HDGFL3: variants seen among roughly 807,000 people sequenced by gnomAD.
HDGFL3 encodes the protein hepatoma-derived growth factor-related protein 3.
HDGFL3 carries 6 observed loss-of-function variants against 27.6 expected under a neutral mutation model. The ratio of observed to expected loss-of-function variants is 0.22; its 90% CI spans 0.12 to 0.43. The LOEUF (loss-of-function observed/expected upper bound fraction) is 0.43, where lower values mean the gene tolerates loss of function less well. Ranked by LOEUF, HDGFL3 falls within the 20% of genes least tolerant of loss-of-function variation. HDGFL3 has a pLI of 1.00. For missense variants in HDGFL3, 207 were observed against 250.1 expected (o/e 0.83, Z 1.16); for synonymous variants, 88 against 88.9 (o/e 0.99, Z 0.05).
At chr15:83,168,002 A>T (rs1410251312) in intron 1 of HDGFL3, among the ~76,000 whole-genome samples, 1 of 152,240 alleles carries the variant, frequency 6.6e-6, no homozygotes, top group Non-Finnish European at 1.5e-5. Flanking sequence ...AATACCAAGA[A>T]GATCTCTCAA....
chr15:83,157,302 C>T, intron 4 of HDGFL3, 113 bp downstream of exon 4: 8 of 1,053,858 alleles, frequency 7.6e-6, no homozygotes, highest in Non-Finnish European at 1.1e-5. Context: ...AAGGCAGAGG[C>T]TCCATAGAAT....
chr15:83,173,104 T>C (rs1193151121), intron 1 of HDGFL3, among the ~76,000 whole-genome samples: 2 of 152,232 alleles, frequency 1.3e-5, no homozygotes, highest in Non-Finnish European at 2.9e-5. Context: ...CTTATCATTC[T>C]TGACAACCTT....
chr15:83,126,780 T>C (rs754201529), downstream of HDGFL3: 1 of 1,613,834 alleles, frequency 6.2e-7, no homozygotes, highest in Admixed American at 1.7e-5. Context: ...CCATCTGAGC[T>C]CTGCCGATTA....
At chr15:83,191,559 T>C (rs1000431642) in intron 1 of HDGFL3, among the ~76,000 whole-genome samples, 1 of 152,208 alleles carries the variant, frequency 6.6e-6, no homozygotes, top group Non-Finnish European at 1.5e-5. Context: ...CAATTTTTTA[T>C]TGGAAACATA....
chr15:83,158,434 T>C (rs902806571), intron 2 of HDGFL3, among the ~76,000 whole-genome samples: 5 of 152,202 alleles, frequency 3.3e-5, no homozygotes, highest in Non-Finnish European at 7.4e-5. Context: ...ACAGTAAAAA[T>C]ATAAATGCTA....
chr15:83,199,037 T>C (rs2037605294), intron 1 of HDGFL3, among the ~76,000 whole-genome samples: 1 of 152,226 alleles, frequency 6.6e-6, no homozygotes, highest in South Asian at 2.1e-4. Context: ...GCCGTTAGAC[T>C]GCAATCAATC....
At chr15:83,196,026 C>T (rs2037566864) in intron 1 of HDGFL3, among the ~76,000 whole-genome samples, 1 of 151,714 alleles carries the variant, frequency 6.6e-6, no homozygotes, top group South Asian at 2.1e-4. Flanking sequence ...CATTTATGTG[C>T]CAAATAAAGC....
chr15:83,199,631 AAT>A (rs1440740669), intron 1 of HDGFL3, among the ~76,000 whole-genome samples: 2 of 152,220 alleles, frequency 1.3e-5, no homozygotes, highest in African/African-American at 4.8e-5. Context: ...ATCTATTCAG[AAT>A]ATGAGTTTCA....
At chr15:83,125,869 T>C (rs117245385), downstream of HDGFL3, among the ~76,000 whole-genome samples, 1,832 of 152,258 alleles carry the variant, frequency 0.012, 18 homozygotes, top group Non-Finnish European at 0.02. Context: ...CAAGAAACTT[T>C]CTGGAGGAGA....
At chr15:83,173,561 G>A (rs2037271995) in intron 1 of HDGFL3, among the ~76,000 whole-genome samples, 1 of 152,016 alleles carries the variant, frequency 6.6e-6, no homozygotes, top group Admixed American at 6.6e-5. Context: ...TGTTTCTCTG[G>A]TTTTTCTCTT....
chr15:83,176,648 C>T (rs1442360885), intron 1 of HDGFL3, among the ~76,000 whole-genome samples: 1 of 152,074 alleles, frequency 6.6e-6, no homozygotes, highest in African/African-American at 2.4e-5. Flanking sequence ...AAAACAAAGG[C>T]TTATAGACTT....
intron 5 of HDGFL3, among the ~76,000 whole-genome samples, chr15:83,149,881 G>A (rs961060236): frequency 2.6e-5 from 4 of 152,118 alleles, no homozygotes; most frequent in Non-Finnish European, 4.4e-5. Context: ...ATAGAAGAAG[G>A]GGACGAATGA....
exon 4 of HDGFL3, chr15:83,115,663 C>T (rs561010131): frequency 8.7e-6 from 6 of 693,448 alleles, no homozygotes; most frequent in Middle Eastern, 2.3e-4. Flanking sequence ...GGGAGAGCTG[C>T]GAACACAGGT....
rs903699719 is a variant in HDGFL3, at chr15:83,207,680, T to C, written c.-266A>G. Reference sequence around the variant, plus strand: ...TCGCCCGCGTCCGGCCGCGCCAAGGTCCCCGCCGCCGCCGCCGCCGCCGCC... The same window carrying C: ...TCGCCCGCGTCCGGCCGCGCCAAGGCCCCCGCCGCCGCCGCCGCCGCCGCC... On this transcript the variant is annotated 5_prime_UTR_variant, in exon 1 of 6. Coordinates refer to ENST00000299633, the MANE Select transcript of HDGFL3 (RefSeq NM_016073.4). This position sits in a 1 kb window ranked among gnomAD's most constrained non-coding sequence, Gnocchi z 4.8. The C allele has an allele frequency of 7.1e-6, 1 of 140,418 alleles. No homozygotes were observed. Among genetic ancestry groups the C allele is most frequent in the African/African-American group, 2.9e-5 (1 of 35,032 alleles). 8.7% of individuals were successfully genotyped at this position (140,418 alleles called of 1,614,324 possible).
At chr15:83,164,844 G>C (rs990970463) in intron 1 of HDGFL3, among the ~76,000 whole-genome samples, 2 of 152,162 alleles carry the variant, frequency 1.3e-5, no homozygotes, top group African/African-American at 4.8e-5. Flanking sequence ...GAAAGGTTTT[G>C]ACCAGTCTAA....
chr15:83,160,926 C>G (rs2037094637), intron 2 of HDGFL3, among the ~76,000 whole-genome samples: 1 of 152,142 alleles, frequency 6.6e-6, no homozygotes, highest in South Asian at 2.1e-4. Flanking sequence ...TTATTGTTCA[C>G]CTTTAATTGC....
chr15:83,191,750 C>T (rs981331244), intron 1 of HDGFL3, among the ~76,000 whole-genome samples: 1 of 152,002 alleles, frequency 6.6e-6, no homozygotes, highest in Non-Finnish European at 1.5e-5. Flanking sequence ...AACATTGATT[C>T]TTCTGCTTGT....
intron 3 of HDGFL3, chr15:83,115,860 G>T: frequency 1.2e-6 from 2 of 1,613,986 alleles, no homozygotes; most frequent in Non-Finnish European, 1.7e-6. Context: ...GCAGTTTTTG[G>T]ATTTACCAGC....
intron 1 of HDGFL3, chr15:83,179,775 T>C (rs1338687947): frequency 2.6e-5 from 4 of 152,246 alleles, no homozygotes; most frequent in Admixed American, 1.3e-4. Context: ...CTCTTGACAT[T>C]AGAGTAATCT....
Sources: allele counts gnomAD v4.1 joint callset (sites outside exome capture counted in the v4.1 genomes callset), GRCh38; gene constraint gnomAD v4.1.1; non-coding constraint Gnocchi (gnomAD v3.1); transcripts MANE v1.5; gene names NCBI Gene and HGNC (gene_info 2026-07-23, HGNC 2026-07-21).